Variants in ZFPM2 observed in about 807,000 individuals in gnomAD.
ZFPM2 encodes the protein zinc finger protein ZFPM2.
A neutral mutation model predicts 98.6 loss-of-function variants in ZFPM2; 20 were observed. The observed-to-expected ratio is 0.20, with a 90% CI of 0.14 to 0.29. The LOEUF (loss-of-function observed/expected upper bound fraction) is 0.29. ZFPM2 is among the 10% of genes least tolerant of loss of function. The pLI is 1.00. For missense variants in ZFPM2, 1,310 were observed against 1,388.6 expected (o/e 0.94, Z 0.90); for synonymous variants, 518 against 502.7 (o/e 1.03, Z -0.41).
In ZFPM2 at chr8:105,473,292, A is replaced by G. The variant is rs572152457; in HGVS notation, c.301+28911A>G. The stretch of plus-strand genomic sequence containing the variant: ...TCTTTTGTGGGGACCTCATGCCAAC[A>G]GTAGTTTATACAATTCATTTAGTAA... On this transcript the variant is annotated intron_variant, in intron 3 of 7. Transcript: ENST00000407775. Among the ~76,000 whole-genome samples the G allele has an allele frequency of 1.6e-3, 238 of 152,290 alleles. 1 individual carries two copies. Among genetic ancestry groups the G allele is most frequent in the African/African-American group, 5.5e-3 (227 of 41,574 alleles).
intron 5 of ZFPM2, among the ~76,000 whole-genome samples, chr8:105,634,729 A>G (rs1228372500): frequency 1.3e-5 from 2 of 152,170 alleles, no homozygotes; most frequent in South Asian, 2.1e-4. Flanking sequence ...AAATTTAACA[A>G]TTTGTGTCAA....
At position 105,802,919 on chromosome 8, in the gene ZFPM2, G is replaced by C; in HGVS notation, c.2837G>C (p.Ser946Thr). The C allele has an allele frequency of 6.2e-7, 1 of 1,613,558 alleles. No individual in the cohort carries two copies. Among genetic ancestry groups the C allele is most frequent in the East Asian group, 2.2e-5 (1 of 44,826 alleles). The change falls in exon 8 of 8, where the codon AGT becomes ACT. Residue 946 changes from serine (S) to threonine (T), a missense_variant. Ser to Thr is a moderately conservative substitution (Grantham distance 58). Transcript: ENST00000407775. ...ACCCTGCAAGGCTTGAAGGTCTTTA[G>C]TGAAGCTGCTCAGCTCATTGCTACA... ...LATLQGLKVFSEAAQLIATKE... is the reference protein window; with the variant it reads ...LATLQGLKVFTEAAQLIATKE...
chr8:105,683,597 A>G (rs1586195926), intron 5 of ZFPM2, among the ~76,000 whole-genome samples: 2 of 152,218 alleles, frequency 1.3e-5, no homozygotes, highest in African/African-American at 4.8e-5. Context: ...CTTCACAGCA[A>G]TATTTCTGGC....
chr8:105,438,212 T>C (rs1812164031), intron 2 of ZFPM2, among the ~76,000 whole-genome samples: 1 of 152,214 alleles, frequency 6.6e-6, no homozygotes, highest in Non-Finnish European at 1.5e-5. Flanking sequence ...GTTGTCATGC[T>C]TGTGTGCTCC....
chr8:105,379,268 A>G (rs537903177), intron 1 of ZFPM2, among the ~76,000 whole-genome samples: 7 of 152,332 alleles, frequency 4.6e-5, no homozygotes, highest in African/African-American at 1.7e-4. Context: ...TTATATCTGC[A>G]TATGAACATC....
At chr8:105,789,122 A>C (rs1350307635) in intron 6 of ZFPM2, 198 bp downstream of exon 6, 2 of 490,418 alleles carry the variant, frequency 4.1e-6, no homozygotes, top group Non-Finnish European at 7.1e-6. Context: ...TTTAGGATAC[A>C]TGTGCACAAT....
chr8:105,686,863 A>T (rs1294137548), intron 5 of ZFPM2, among the ~76,000 whole-genome samples: 2 of 152,118 alleles, frequency 1.3e-5, no homozygotes, highest in Non-Finnish European at 2.9e-5. Flanking sequence ...TTGATTTCAC[A>T]TTTATTATTT....
chr8:105,740,535 A>ATATATAT (rs1287708827), intron 5 of ZFPM2, among the ~76,000 whole-genome samples: 1 of 147,624 alleles, frequency 6.8e-6, no homozygotes, highest in Non-Finnish European at 1.5e-5. Context: ...ATGCATATAT[A>ATATATAT]TATATATTAT....
chr8:105,634,494 T>C (rs2130840128), intron 5 of ZFPM2, 137 bp downstream of exon 5: 1 of 702,690 alleles, frequency 1.4e-6, no homozygotes, highest in Admixed American at 2.6e-5. Flanking sequence ...GTTCCTCTAA[T>C]GTGTATTTTC....
chr8:105,517,808 C>A (rs1813969251), intron 3 of ZFPM2, among the ~76,000 whole-genome samples: 1 of 151,702 alleles, frequency 6.6e-6, no homozygotes, highest in Admixed American at 6.6e-5. Flanking sequence ...CCTGGAGGAT[C>A]ACATGAGCGC....
chr8:105,319,089 C>A, intron 1 of ZFPM2, 108 bp downstream of exon 1: 1 of 1,301,362 alleles, frequency 7.7e-7, no homozygotes, highest in Non-Finnish European at 1.0e-6. Context: ...GATCCGCTCC[C>A]GGTCCCCTAG....
chr8:105,446,939 T>A (rs1432605260), intron 3 of ZFPM2, among the ~76,000 whole-genome samples: 1 of 152,162 alleles, frequency 6.6e-6, no homozygotes, highest in Non-Finnish European at 1.5e-5. Context: ...TAGGGGGTAT[T>A]TCGTGTTTTC....
chr8:105,504,302 G>A (rs934237507), intron 3 of ZFPM2, among the ~76,000 whole-genome samples: 1 of 152,160 alleles, frequency 6.6e-6, no homozygotes, highest in Non-Finnish European at 1.5e-5. Flanking sequence ...AGCAGGAGCA[G>A]AGGAGAAGTG....
intron 3 of ZFPM2, among the ~76,000 whole-genome samples, chr8:105,535,956 C>T (rs1450169): frequency 0.015 from 2,340 of 152,184 alleles, 28 homozygotes; most frequent in East Asian, 0.066. Context: ...TTTATGAATA[C>T]TTTAATTAGA....
Position 105,803,395 on chromosome 8 carries a change from G to C in ZFPM2, c.3313G>C (p.Ala1105Pro). 2 of 1,613,860 alleles carry C rather than the reference G, an allele frequency of 1.2e-6. No homozygotes were observed. The highest frequency in any genetic ancestry group is 1.7e-6 in the Non-Finnish European group (2 of 1,179,822). The change falls in exon 8 of 8, where the codon GCA becomes CCA. Residue 1105 changes from alanine to proline, a missense_variant. Transcript: ENST00000407775. Reference protein sequence around the residue: ...PSAEEQLSSIAKGVNGSSQAP... With the variant: ...PSAEEQLSSIPKGVNGSSQAP... Reference sequence around the variant, plus strand: ...AGCAGAGGAACAGTTGTCTAGTATAGCAAAAGGTGTGAATGGTTCCAGCCA... The same window carrying C: ...AGCAGAGGAACAGTTGTCTAGTATACCAAAAGGTGTGAATGGTTCCAGCCA...
intron 1 of ZFPM2, among the ~76,000 whole-genome samples, chr8:105,379,434 C>A (rs572344360): frequency 6.6e-6 from 1 of 152,258 alleles, no homozygotes; most frequent in East Asian, 1.9e-4. Context: ...AGTGAACCAG[C>A]AAACCAGTGG....
chr8:105,613,084 T>C (rs1351400127), intron 4 of ZFPM2, among the ~76,000 whole-genome samples: 1 of 152,170 alleles, frequency 6.6e-6, no homozygotes, highest in Admixed American at 6.6e-5. Flanking sequence ...AAAACAGATT[T>C]AAATGATTTC....
intron 3 of ZFPM2, among the ~76,000 whole-genome samples, chr8:105,522,012 AC>A (rs1814073754): frequency 1.3e-5 from 2 of 152,398 alleles, no homozygotes; most frequent in South Asian, 4.1e-4. Flanking sequence ...AAAGAGTAGT[AC>A]AGAATTCATC....
At chr8:105,508,999 A>C (rs1813759647) in intron 3 of ZFPM2, among the ~76,000 whole-genome samples, 1 of 152,182 alleles carries the variant, frequency 6.6e-6, no homozygotes, top group Admixed American at 6.5e-5. Flanking sequence ...TTGAAATCAC[A>C]TTATGCGATA....
Sources: gnomAD v4.1 joint callset for allele counts (sites outside exome capture counted in the v4.1 genomes callset) on GRCh38, gnomAD v4.1.1 for gene constraint, MANE v1.5 for transcripts, NCBI Gene and HGNC (gene_info 2026-07-23, HGNC 2026-07-21) for gene names.